GABRB3: variants seen among roughly 807,000 people sequenced by gnomAD.
GABRB3 encodes the protein gamma-aminobutyric acid receptor subunit beta-3.
GABRB3 carries 14 observed loss-of-function variants against 52.1 expected under a neutral mutation model. That is an observed-to-expected ratio of 0.27 (90% CI 0.18 to 0.42). The LOEUF (loss-of-function observed/expected upper bound fraction) is 0.42. GABRB3 is among the 10% of genes least tolerant of loss of function. The pLI, the probability that GABRB3 is intolerant of heterozygous loss-of-function variation, is 1.00. For synonymous variants in GABRB3, 260 were observed against 232.3 expected, an observed-to-expected ratio of 1.12 and a Z score of -1.08; for missense variants, 307 against 609.1, an observed-to-expected ratio of 0.50 and a Z score of 5.22.
rs1889168743 is a variant in GABRB3 at position 26,544,875 on chromosome 15, G to A, written c.*2918C>T. ...GTTTCTGTCCTTACTCAAGAGGTCT[G>A]GGTGTGGGTAACAGCCACCTCCCAA... is the stretch of plus-strand genomic sequence containing the variant. On this transcript the variant is annotated 3_prime_UTR_variant, in exon 9 of 9. Coordinates refer to ENST00000311550, the MANE Select transcript of GABRB3 (RefSeq NM_000814.6). 6.6e-6 allele frequency: 1 copy of A among 152,564 alleles called. No individual in the cohort carries two copies. The allele number at this position is 152,564 out of a possible 1,614,324, so 9.5% of individuals were successfully genotyped here. A position where few individuals can be genotyped will look rare whatever the true frequency, so the allele number is the denominator to read the frequency against.
At chr15:26,762,462 C>T (rs1418829646) in intron 3 of GABRB3, among the ~76,000 whole-genome samples, 1 of 152,090 alleles carries the variant, frequency 6.6e-6, no homozygotes, top group Non-Finnish European at 1.5e-5. Flanking sequence ...ATTTCTTAAA[C>T]TGTATTCTAC....
rs571615793 is a variant in GABRB3, at chr15:26,547,154, A to G, written c.*639T>C. The stretch of plus-strand genomic sequence containing the variant: ...TCTATCTATGTTTCAGACAACAGGT[A>G]AGCACACTGCCAGTGGCTCACCCCA... On this transcript the variant is annotated 3_prime_UTR_variant, in exon 9 of 9. Coordinates refer to ENST00000311550, the MANE Select transcript of GABRB3 (RefSeq NM_000814.6). The G allele has an allele frequency of 9.1e-5, 17 of 186,006 alleles. No individual in the cohort carries two copies. The highest frequency in any genetic ancestry group is 5.4e-4 in the Admixed American group (9 of 16,736). The allele number at this position is 186,006 out of a possible 1,614,324, so 11.5% of individuals were successfully genotyped here.
rs578242651 is a variant in GABRB3, at chr15:26,715,895, T to C, written c.240+56507A>G. Among the ~76,000 whole-genome samples the C allele has an allele frequency of 3.3e-5, 5 of 152,324 alleles. No homozygotes were observed. In the South Asian group the frequency reaches 8.3e-4, roughly 25 times the overall value. ...TATAGAATGTGACCTCAACACTCCA[T>C]AGTTTGCTCTAAGATTTCCAGACTT... is the stretch of plus-strand genomic sequence containing the variant. On this transcript the variant is annotated intron_variant, in intron 3 of 8. Coordinates refer to ENST00000311550, the MANE Select transcript of GABRB3 (RefSeq NM_000814.6).
chr15:26,756,729 G>A (rs913540147), intron 3 of GABRB3, among the ~76,000 whole-genome samples: 15 of 151,910 alleles, frequency 9.9e-5, no homozygotes, highest in Admixed American at 5.2e-4. Flanking sequence ...GGGGTGTACA[G>A]ATCATGTATA....
chr15:26,682,972 A>T (rs553812257), intron 3 of GABRB3, among the ~76,000 whole-genome samples: 186 of 152,322 alleles, frequency 1.2e-3, no homozygotes, highest in African/African-American at 4.3e-3. Flanking sequence ...GCTGTTGGCC[A>T]CTAGAGAGTG....
At chr15:26,661,937 GA>G (rs113557537) in intron 3 of GABRB3, among the ~76,000 whole-genome samples, 3,835 of 151,814 alleles carry the variant, frequency 0.025, 153 homozygotes, top group African/African-American at 0.086. Flanking sequence ...CAAACCACAT[GA>G]AAAAAAATGT....
chr15:26,711,811 A>C (rs937289845), intron 3 of GABRB3, among the ~76,000 whole-genome samples: 6 of 152,254 alleles, frequency 3.9e-5, no homozygotes, highest in Non-Finnish European at 7.3e-5. Flanking sequence ...AATGAAATAA[A>C]CTAATGATTT....
chr15:26,599,259 A>G (rs1424102360), intron 4 of GABRB3, among the ~76,000 whole-genome samples: 1 of 152,206 alleles, frequency 6.6e-6, no homozygotes, highest in Non-Finnish European at 1.5e-5. Context: ...CACATTCCAG[A>G]GATGGAAAGG....
At chr15:26,664,703 T>TG (rs754521446) in intron 3 of GABRB3, among the ~76,000 whole-genome samples, 19 of 119,266 alleles carry the variant, frequency 1.6e-4, no homozygotes, top group African/African-American at 5.4e-4. Context: ...TTCTTTTCTT[T>TG]GTTTTTTTTT....
intron 3 of GABRB3, among the ~76,000 whole-genome samples, chr15:26,622,070 C>T (rs1239078701): frequency 6.6e-6 from 1 of 152,104 alleles, no homozygotes; most frequent in Non-Finnish European, 1.5e-5. Flanking sequence ...CATGCCCTAC[C>T]TATTGTATTT....
intron 4 of GABRB3, among the ~76,000 whole-genome samples, chr15:26,607,011 C>G (rs1314323915): frequency 6.6e-6 from 1 of 152,132 alleles, no homozygotes; most frequent in African/African-American, 2.4e-5. Context: ...CACGGCCATA[C>G]TTCAACCACT....
intron 3 of GABRB3, among the ~76,000 whole-genome samples, chr15:26,737,664 T>A (rs1416651313): frequency 6.6e-6 from 1 of 151,938 alleles, no homozygotes; most frequent in East Asian, 1.9e-4. Context: ...GATAATGGGG[T>A]TAAAATAAAA....
chr15:26,768,538 C>T (rs1891057859), intron 3 of GABRB3, among the ~76,000 whole-genome samples: 1 of 151,918 alleles, frequency 6.6e-6, no homozygotes, highest in African/African-American at 2.4e-5. Flanking sequence ...ATGTGTTGAT[C>T]TCTTCATCTA....
chr15:26,574,643 G>A (rs1007101584), intron 6 of GABRB3, among the ~76,000 whole-genome samples: 6 of 152,116 alleles, frequency 3.9e-5, no homozygotes, highest in African/African-American at 1.4e-4. Flanking sequence ...GACCAGACAC[G>A]AAAGACCACA....
chr15:26,645,183 A>G (rs1396649304), intron 3 of GABRB3, among the ~76,000 whole-genome samples: 1 of 152,116 alleles, frequency 6.6e-6, no homozygotes, highest in Non-Finnish European at 1.5e-5. Flanking sequence ...TCCAGGTCAC[A>G]CTGAGCTATG....
chr15:26,698,856 T>C (rs1417791648), intron 3 of GABRB3, among the ~76,000 whole-genome samples: 2 of 152,218 alleles, frequency 1.3e-5, no homozygotes, highest in Non-Finnish European at 1.5e-5. Flanking sequence ...AGAAAGCCGA[T>C]ATAGTAAATC....
chr15:26,740,935 GGAGCAGCACGGAGCCGACTCTGAGTCA>G (rs2140160245), intron 3 of GABRB3, among the ~76,000 whole-genome samples: 2 of 152,212 alleles, frequency 1.3e-5, no homozygotes, highest in African/African-American at 4.8e-5. Context: ...GGAGATGGCG[GGAGCAGCACGGAGCCGACTCTGAGTCA>G]GAATTTCAGA....
At chr15:26,760,275 C>T (rs768293497) in intron 3 of GABRB3, among the ~76,000 whole-genome samples, 1 of 152,138 alleles carries the variant, frequency 6.6e-6, no homozygotes, top group Admixed American at 6.5e-5. Flanking sequence ...AAACAGCTTA[C>T]GGACTCTAAG....
At chr15:26,683,931 C>T (rs547137607) in intron 3 of GABRB3, among the ~76,000 whole-genome samples, 1 of 152,028 alleles carries the variant, frequency 6.6e-6, no homozygotes, top group Non-Finnish European at 1.5e-5. Context: ...AGGAGGAGGG[C>T]ACAAATCCAC....
Sources: gnomAD v4.1 joint callset for allele counts (sites outside exome capture counted in the v4.1 genomes callset) on GRCh38, gnomAD v4.1.1 for gene constraint, MANE v1.5 for transcripts, NCBI Gene and HGNC (gene_info 2026-07-23, HGNC 2026-07-21) for gene names.